SGTB: variants seen among roughly 807,000 people sequenced by gnomAD.
SGTB encodes the protein small glutamine-rich tetratricopeptide repeat-containing protein beta.
Under a neutral mutation model 43.9 loss-of-function variants are expected in SGTB, and 19 were observed. The ratio of observed to expected loss-of-function variants is 0.43; its 90% CI spans 0.30 to 0.63. The LOEUF is 0.63. Ranked by LOEUF, SGTB falls within the 30% of genes least tolerant of loss-of-function variation. The pLI is 0.12. For synonymous variants in SGTB, 116 were observed against 117.3 expected, an observed-to-expected ratio of 0.99 and a Z score of 0.07; for missense variants, 304 against 358.9, an observed-to-expected ratio of 0.85 and a Z score of 1.24.
At position 65,720,950 on chromosome 5, in the gene SGTB, CTGTA is replaced by C. The variant is rs1201802683; in HGVS notation, c.-22-125_-22-122del. 4.1e-6 allele frequency: 4 copies of C among 970,528 alleles called. No homozygotes were observed. In the Admixed American group the frequency reaches 9.7e-5, roughly 23 times the overall value. The allele number at this position is 970,528 out of a possible 1,614,324, so 60.1% of individuals were successfully genotyped here. ...TTAAAGGTAAAAACAAAACACAAAA[CTGTA>C]TGACCTTTCATCTTTTCTCTTTGTA... is the stretch of plus-strand genomic sequence containing the variant. On this transcript the variant is annotated intron_variant, in intron 1 of 10. Coordinates refer to ENST00000381007, the MANE Select transcript of SGTB (RefSeq NM_019072.3).
rs183908824 is a variant in SGTB at position 65,679,531 on chromosome 5, C to T, written c.681+963G>A. Among the ~76,000 whole-genome samples the T allele has an allele frequency of 2.3e-4, 35 of 152,214 alleles. No individual in the cohort carries two copies. In the East Asian group the frequency reaches 5.8e-3, roughly 25 times the overall value. On this transcript the variant is annotated intron_variant, in intron 8 of 10. Transcript: ENST00000381007. ...ACTCAGGAGGCTGAGGCAGGAGATT[C>T]GCTTGAACCCAGGAGGTGGAGGTTG... is the stretch of plus-strand genomic sequence containing the variant.
rs757689218 is a variant in SGTB, at chr5:65,708,599, A to G, written c.205-41T>C. 5 of 1,497,218 alleles carry G rather than the reference A, an allele frequency of 3.3e-6. No homozygotes were observed. The Admixed American group carries it at 8.7e-5, about 26-fold the overall frequency. The allele number at this position is 1,497,218 out of a possible 1,614,324, so 92.7% of individuals were successfully genotyped here. A position where few individuals can be genotyped will look rare whatever the true frequency, so the allele number is the denominator to read the frequency against. ...AATCAATGCACTTCCCTTTAGCTACATAAAGAATCATCCTAGAGTACTATA... is the reference window on the plus strand; with the variant it reads ...AATCAATGCACTTCCCTTTAGCTACGTAAAGAATCATCCTAGAGTACTATA... On this transcript the variant is annotated intron_variant, in intron 3 of 10. Coordinates refer to ENST00000381007, the MANE Select transcript of SGTB (RefSeq NM_019072.3).
upstream of SGTB, chr5:65,722,206 G>A: frequency 5.8e-6 from 2 of 347,742 alleles, no homozygotes; most frequent in Non-Finnish European, 1.0e-5. Flanking sequence ...GGGGCTGGTA[G>A]GCGCCGGCGT....
At chr5:65,683,368 G>A (rs1455780386) in intron 6 of SGTB, among the ~76,000 whole-genome samples, 1 of 152,208 alleles carries the variant, frequency 6.6e-6, no homozygotes, top group Non-Finnish European at 1.5e-5. Context: ...CACAGAAGCA[G>A]TGTAAATATT....
Position 65,711,934 on chromosome 5 carries a change from C to G in SGTB, c.204+1027G>C, listed in dbSNP as rs530494848. Among the ~76,000 whole-genome samples the G allele has an allele frequency of 2.6e-5, 4 of 152,174 alleles. No homozygotes were observed. In the East Asian group the frequency reaches 7.7e-4, roughly 29 times the overall value. ...GAGTTAGAAAAACAAAAGGAGCCCA[C>G]GAGGCACCACAATGTCATAAAGAAA... On this transcript the variant is annotated intron_variant, in intron 3 of 10. Coordinates refer to ENST00000381007, the MANE Select transcript of SGTB (RefSeq NM_019072.3).
At chr5:65,674,099 T>G (rs1268178238) in intron 8 of SGTB, among the ~76,000 whole-genome samples, 1 of 152,224 alleles carries the variant, frequency 6.6e-6, no homozygotes, top group African/African-American at 2.4e-5. Flanking sequence ...TGGTATTATC[T>G]TACTAGTTTT....
chr5:65,697,255 G>T (rs1369673874), intron 5 of SGTB, among the ~76,000 whole-genome samples: 1 of 152,102 alleles, frequency 6.6e-6, no homozygotes, highest in Non-Finnish European at 1.5e-5. Context: ...CAGGGAAAAA[G>T]ATACAATTTA....
chr5:65,713,098 G>C, intron 2 of SGTB, 34 bp from the exon 3 acceptor site: 5 of 1,500,764 alleles, frequency 3.3e-6, no homozygotes, highest in Non-Finnish European at 4.5e-6. Context: ...AAAACAATTA[G>C]CAATTTTAAA....
intron 6 of SGTB, among the ~76,000 whole-genome samples, chr5:65,681,720 C>T (rs1393145225): frequency 6.6e-6 from 1 of 151,970 alleles, no homozygotes; most frequent in Admixed American, 6.6e-5. Context: ...GTCTCTAATC[C>T]CAGCAGCACT....
chr5:65,722,559 C>G (rs918094790), upstream of SGTB: 1 of 723,304 alleles, frequency 1.4e-6, no homozygotes. Context: ...GCAAGGTGGA[C>G]CCCTGGGGGA....
intron 6 of SGTB, 26 bp from the exon 7 acceptor site, chr5:65,680,820 T>A: frequency 6.2e-7 from 1 of 1,602,850 alleles, no homozygotes; most frequent in Non-Finnish European, 8.5e-7. Flanking sequence ...TATAAGAATA[T>A]CAGATATATG....
At chr5:65,691,599 A>G (rs1385417006) in intron 5 of SGTB, among the ~76,000 whole-genome samples, 3 of 142,958 alleles carry the variant, frequency 2.1e-5, no homozygotes, top group African/African-American at 7.5e-5. Context: ...AAGTGCTGGG[A>G]TTACAGGCGG....
intron 2 of SGTB, among the ~76,000 whole-genome samples, chr5:65,720,087 T>C (rs1036868501): frequency 2.8e-5 from 4 of 145,442 alleles, no homozygotes; most frequent in Admixed American, 6.8e-5. Flanking sequence ...TTTTCTTTTT[T>C]TTTTTTTTTT....
chr5:65,704,049 A>AAAT (rs1554025724), intron 5 of SGTB, among the ~76,000 whole-genome samples: 154 of 139,668 alleles, frequency 1.1e-3, no homozygotes, highest in African/African-American at 3.6e-3. Context: ...AAAAAAAAAA[A>AAAT]AAATAAATAA....
intron 5 of SGTB, among the ~76,000 whole-genome samples, chr5:65,686,972 T>A (rs955697790): frequency 6.6e-6 from 1 of 152,228 alleles, no homozygotes; most frequent in African/African-American, 2.4e-5. Flanking sequence ...AAATACTGGA[T>A]GTACATAGTA....
intron 5 of SGTB, among the ~76,000 whole-genome samples, chr5:65,697,156 A>T (rs1579871259): frequency 6.6e-6 from 1 of 152,200 alleles, no homozygotes; most frequent in African/African-American, 2.4e-5. Context: ...AACCAAAGTG[A>T]TCCTAAAGCT....
At chr5:65,714,271 G>T (rs1020205501) in intron 2 of SGTB, among the ~76,000 whole-genome samples, 1 of 152,056 alleles carries the variant, frequency 6.6e-6, no homozygotes, top group African/African-American at 2.4e-5. Flanking sequence ...TTTGCCAAGT[G>T]CCTACTATCT....
chr5:65,720,092 T>A (rs1331484616), intron 2 of SGTB, among the ~76,000 whole-genome samples: 1 of 149,448 alleles, frequency 6.7e-6, no homozygotes, highest in African/African-American at 2.5e-5. Context: ...TTTTTTTTTT[T>A]TTTTTTTTGA....
rs541067632 is a variant in SGTB at position 65,708,851 on chromosome 5, G to T, written c.205-293C>A. Among the ~76,000 whole-genome samples, 4 of 152,110 alleles carry T rather than the reference G, an allele frequency of 2.6e-5. No individual in the cohort carries two copies. The South Asian group carries it at 8.3e-4, about 32-fold the overall frequency. ...AGCTCAGGAGTTCGAGACCAGCCTG[G>T]GCAATATGGTGAAACCCCGTCTCTA... On this transcript the variant is annotated intron_variant, in intron 3 of 10. Transcript: ENST00000381007.
Sources: gnomAD v4.1 joint callset for allele counts (sites outside exome capture counted in the v4.1 genomes callset) on GRCh38, gnomAD v4.1.1 for gene constraint, MANE v1.5 for transcripts, NCBI Gene and HGNC (gene_info 2026-07-23, HGNC 2026-07-21) for gene names.